ZFP64: variants seen among roughly 807,000 people sequenced by gnomAD.
ZFP64 encodes the protein zinc finger protein 64.
ZFP64 carries 14 observed loss-of-function variants against 51.6 expected under a neutral mutation model. The ratio of observed to expected loss-of-function variants is 0.27; its 90% confidence interval spans 0.18 to 0.42. The LOEUF is 0.42. Ranked by LOEUF, ZFP64 falls within the 10% of genes least tolerant of loss-of-function variation. The probability of loss-of-function intolerance (pLI) is 1.00; values close to 1 mark genes in which losing one functional copy is unlikely to be tolerated. For missense variants in ZFP64, 754 were observed against 906.8 expected, an observed-to-expected ratio of 0.83 and a Z score of 2.16; for synonymous variants, 375 against 361.4, an observed-to-expected ratio of 1.04 and a Z score of -0.43.
intron 5 of ZFP64, chr20:52,105,317 C>T: frequency 8.0e-7 from 1 of 1,254,676 alleles, no homozygotes; most frequent in Non-Finnish European, 1.0e-6. Flanking sequence ...GGAAATTACC[C>T]CCCTTCGGCC....
At position 52,088,574 on chromosome 20, in the gene ZFP64, A is replaced by T. The variant is rs770348818; in HGVS notation, c.1046T>A (p.Met349Lys). 2.5e-6 allele frequency: 4 copies of T among 1,614,206 alleles called. No individual in the cohort carries two copies. Among genetic ancestry groups the T allele is most frequent in the Non-Finnish European group, 2.5e-6 (3 of 1,180,038 alleles). Residue 349 changes from methionine to lysine, a missense_variant, in exon 8 of 9, where the codon ATG (methionine) becomes AAG (lysine). Transcript: ENST00000361387. ...TGGCTTCACACTGGTGTGGCACCGC[A>T]TGTGCATGGTCAGGTTGTCCTTCCG...
At chr20:52,133,586 A>T (rs1979828182) in intron 5 of ZFP64, among the ~76,000 whole-genome samples, 1 of 152,212 alleles carries the variant, frequency 6.6e-6, no homozygotes, top group Non-Finnish European at 1.5e-5. Flanking sequence ...TGAAAAAGAA[A>T]ATTTAAAAAG....
At chr20:52,150,698 C>T (rs1234511225), downstream of ZFP64, among the ~76,000 whole-genome samples, 2 of 152,170 alleles carry the variant, frequency 1.3e-5, no homozygotes, top group South Asian at 2.1e-4. Context: ...TAAGTATTCT[C>T]ATAATATTCT....
In ZFP64 at chr20:52,191,774, G is replaced by C; in HGVS notation, c.-138C>G. 2 of 1,123,828 alleles carry C rather than the reference G, an allele frequency of 1.8e-6. No individual in the cohort carries two copies. Among genetic ancestry groups the C allele is most frequent in the Non-Finnish European group, 2.4e-6 (2 of 841,864 alleles). 69.6% of individuals were successfully genotyped at this position (1,123,828 alleles called of 1,614,324 possible). A position where few individuals can be genotyped will look rare whatever the true frequency, so the allele number is the denominator to read the frequency against. ...CCCAACTCTGCGAGGCGGGGAGGACGGATGTAAAGCAAGCTGCACTTCCGC... is the reference window on the plus strand; with the variant it reads ...CCCAACTCTGCGAGGCGGGGAGGACCGATGTAAAGCAAGCTGCACTTCCGC... On this transcript the variant is annotated 5_prime_UTR_variant, in exon 1 of 6. Coordinates refer to ENST00000216923, the MANE Select transcript of ZFP64 (RefSeq NM_018197.3). This position sits in a 1 kb window ranked among gnomAD's most constrained non-coding sequence, Gnocchi z 4.3.
intron 4 of ZFP64, among the ~76,000 whole-genome samples, chr20:52,161,288 T>C (rs1981775436): frequency 6.6e-6 from 1 of 152,172 alleles, no homozygotes; most frequent in South Asian, 2.1e-4. Context: ...TTTTGATGTA[T>C]ATTTTTCCAA....
intron 5 of ZFP64, among the ~76,000 whole-genome samples, chr20:52,142,377 G>GACACACACACACACACACGCGC (rs1980302194): frequency 1.6e-4 from 19 of 118,366 alleles, no homozygotes; most frequent in African/African-American, 3.3e-5. Context: ...CACACACACA[G>GACACACACACACACACACGCGC]ACACACACAC....
At chr20:52,173,645 C>A (rs893736468) in intron 2 of ZFP64, among the ~76,000 whole-genome samples, 1 of 144,020 alleles carries the variant, frequency 6.9e-6, no homozygotes, top group Non-Finnish European at 1.5e-5. Context: ...TACATCCTTG[C>A]TTTTTTTTTT....
At chr20:52,184,428 T>A (rs1170235391) in intron 2 of ZFP64, among the ~76,000 whole-genome samples, 3 of 152,176 alleles carry the variant, frequency 2.0e-5, no homozygotes, top group Non-Finnish European at 4.4e-5. Context: ...AGATAACTTC[T>A]CTCATTTACA....
intron 5 of ZFP64, among the ~76,000 whole-genome samples, chr20:52,120,930 G>A (rs555601017): frequency 2.0e-5 from 3 of 152,162 alleles, no homozygotes; most frequent in African/African-American, 7.2e-5. Context: ...GCCCGCCTTG[G>A]CCTCCTAAAG....
intron 5 of ZFP64, among the ~76,000 whole-genome samples, chr20:52,107,872 G>T (rs959149298): frequency 1.3e-5 from 2 of 152,316 alleles, no homozygotes; most frequent in East Asian, 3.9e-4. Flanking sequence ...GTACCTGGGG[G>T]TGGTATAAGA....
intron 5 of ZFP64, among the ~76,000 whole-genome samples, chr20:52,107,251 GTTTGCA>G (rs1978331112): frequency 6.6e-6 from 1 of 152,146 alleles, no homozygotes; most frequent in African/African-American, 2.4e-5. Flanking sequence ...GTGTACATGT[GTTTGCA>G]TTTGCTTTGT....
chr20:52,119,738 CA>C (rs1179019683), intron 5 of ZFP64, among the ~76,000 whole-genome samples: 1 of 150,186 alleles, frequency 6.7e-6, no homozygotes, highest in African/African-American at 2.4e-5. Flanking sequence ...TCAAAACAAA[CA>C]AAAAAACAAC....
chr20:52,149,032 G>T (rs937600655), downstream of ZFP64, among the ~76,000 whole-genome samples: 1 of 152,148 alleles, frequency 6.6e-6, no homozygotes, highest in Non-Finnish European at 1.5e-5. Context: ...GTTCATAGAA[G>T]AGAGAAGCAC....
Position 52,152,603 on chromosome 20 carries a change from T to A in ZFP64, c.1589A>T (p.Asn530Ile), listed in dbSNP as rs1490235008. 3.9e-6 allele frequency: 6 copies of A among 1,542,250 alleles called. No homozygotes were observed. The South Asian group carries it at 7.5e-5, about 19-fold the overall frequency. Residue 530 changes from asparagine to isoleucine, a missense_variant, in exon 6 of 6, where the codon AAC becomes ATC. Asn to Ile is a moderately radical substitution (Grantham distance 149, BLOSUM62 -3). This residue lies in a region of ZFP64 where 428 missense variants were observed against 472.4 expected (regional missense o/e 0.91). Coordinates refer to ENST00000216923, the MANE Select transcript of ZFP64 (RefSeq NM_018197.3). The stretch of plus-strand genomic sequence containing the variant: ...GCTGTTCCCTGGGAGTTCCTCTGGG[T>A]TCTGGGCCACCAAGGCAGGCGGGAC... Reference protein sequence around the residue: ...NIVPPALVAQNPEELPGNSRL... With the variant: ...NIVPPALVAQIPEELPGNSRL...
chr20:52,088,576 G>A (rs1317760376), exon 8 of ZFP64: 2 of 1,614,208 alleles, frequency 1.2e-6, no homozygotes, highest in Admixed American at 1.7e-5. Context: ...GGCACCGCAT[G>A]TGCATGGTCA....
chr20:52,084,583 G>C, exon 9 of ZFP64: 1 of 1,613,636 alleles, frequency 6.2e-7, no homozygotes, highest in Non-Finnish European at 8.5e-7. Context: ...GGCTCTAGGG[G>C]AGCCTCGAGC....
At chr20:52,102,763 C>T (rs926127476) in intron 5 of ZFP64, among the ~76,000 whole-genome samples, 4 of 152,172 alleles carry the variant, frequency 2.6e-5, no homozygotes, top group African/African-American at 9.7e-5. Flanking sequence ...TCAACTTCCC[C>T]GTTCCTCAGT....
At position 52,152,036 on chromosome 20, in the gene ZFP64, C is replaced by CAAAAA. The variant is rs924116502; in HGVS notation, c.*105_*109dup. ...TGGGAAACAGAGCGAGACTCCGTCTCAAAAACAAAACAAAACAAAGAAAAC... is the reference window on the plus strand; with the variant it reads ...TGGGAAACAGAGCGAGACTCCGTCTCAAAAAAAAAACAAAACAAAACAAAGAAAAC... On this transcript the variant is annotated 3_prime_UTR_variant, in exon 6 of 6. Transcript: ENST00000216923. The CAAAAA allele has an allele frequency of 1.4e-4, 208 of 1,461,952 alleles. No homozygotes were observed. The highest frequency in any genetic ancestry group is 7.5e-4 in the Middle Eastern group (3 of 4,008). 90.6% of individuals were successfully genotyped at this position (1,461,952 alleles called of 1,614,324 possible).
intron 5 of ZFP64, among the ~76,000 whole-genome samples, chr20:52,144,570 C>T (rs1444331676): frequency 2.5e-4 from 6 of 23,554 alleles, no homozygotes; most frequent in Non-Finnish European, 4.5e-4. Context: ...CAGAGCGAGA[C>T]TCCGTCTCAA....
Sources: allele counts gnomAD v4.1 joint callset (sites outside exome capture counted in the v4.1 genomes callset), GRCh38; gene constraint gnomAD v4.1.1; regional missense constraint gnomAD v4.1.1; non-coding constraint Gnocchi (gnomAD v3.1); transcripts MANE v1.5; gene names NCBI Gene and HGNC (gene_info 2026-07-23, HGNC 2026-07-21).